The following ZBTB44 variants were observed in gnomAD, a reference collection of about 807,000 sequenced individuals.
ZBTB44 encodes the protein zinc finger and BTB domain containing 44, also known as zinc finger and BTB domain-containing protein 44.
ZBTB44 carries 15 observed loss-of-function variants against 54.0 expected under a neutral mutation model. The ratio of observed to expected loss-of-function variants is 0.28; its 90% confidence interval spans 0.19 to 0.43. The LOEUF is 0.43. Among genes scored for constraint, ZBTB44 ranks in the 20% least tolerant of loss-of-function variants. The pLI is 1.00. For synonymous variants in ZBTB44, 230 were observed against 250.1 expected, an observed-to-expected ratio of 0.92 and a Z score of 0.76; for missense variants, 487 against 707.1, an observed-to-expected ratio of 0.69 and a Z score of 3.53.
intron 1 of ZBTB44, among the ~76,000 whole-genome samples, chr11:130,294,940 GC>G (rs1941551106): frequency 6.6e-6 from 1 of 152,086 alleles, no homozygotes; most frequent in African/African-American, 2.4e-5. Context: ...GAGTTTTTAA[GC>G]GTCCACACCA....
chr11:130,272,717 T>G (rs1939766903), intron 1 of ZBTB44, among the ~76,000 whole-genome samples: 2 of 151,786 alleles, frequency 1.3e-5, no homozygotes, highest in South Asian at 4.2e-4. Flanking sequence ...AGTTTTAAAG[T>G]TTCAGGCCTT....
intron 1 of ZBTB44, among the ~76,000 whole-genome samples, chr11:130,271,261 TGA>T (rs1939647268): frequency 6.6e-6 from 1 of 152,216 alleles, no homozygotes; most frequent in African/African-American, 2.4e-5. Context: ...CAGTATGAAA[TGA>T]TAATGTACTT....
chr11:130,281,245 C>T (rs575950562), intron 1 of ZBTB44, among the ~76,000 whole-genome samples: 5 of 152,210 alleles, frequency 3.3e-5, no homozygotes, highest in African/African-American at 7.2e-5. Context: ...ACAGGCCGGG[C>T]GCGGTGGCTC....
At chr11:130,239,974 T>C (rs551624013) in intron 2 of ZBTB44, 78 bp from the exon 3 acceptor site, 303 of 969,638 alleles carry the variant, frequency 3.1e-4, no homozygotes, top group South Asian at 3.0e-3. Context: ...CTATATTATA[T>C]CTAAGCCTCT....
intron 1 of ZBTB44, among the ~76,000 whole-genome samples, chr11:130,288,457 CTAAGAA>C (rs1941108950): frequency 1.3e-5 from 2 of 152,078 alleles, no homozygotes; most frequent in African/African-American, 4.8e-5. Flanking sequence ...CATTGTATAT[CTAAGAA>C]TAAGAAAGAA....
At position 130,230,533 on chromosome 11, in the gene ZBTB44, G is replaced by T. The variant is rs1311601690; in HGVS notation, c.*1231C>A. ...ATGTCAAAATGTAAGATTGAATGAG[G>T]CTATTTAAACATTTTAGTATATTTT... is the stretch of plus-strand genomic sequence containing the variant. On this transcript the variant is annotated 3_prime_UTR_variant, in exon 8 of 8. Coordinates refer to ENST00000357899, the MANE Select transcript of ZBTB44 (RefSeq NM_001301098.2). 5 of 148,674 alleles carry T rather than the reference G, an allele frequency of 3.4e-5. No individual in the cohort carries two copies. Among genetic ancestry groups the T allele is most frequent in the African/African-American group, 7.4e-5 (3 of 40,314 alleles). 9.2% of individuals were successfully genotyped at this position (148,674 alleles called of 1,614,324 possible).
chr11:130,287,973 A>C (rs1199502816), intron 1 of ZBTB44, among the ~76,000 whole-genome samples: 1 of 151,964 alleles, frequency 6.6e-6, no homozygotes, highest in African/African-American at 2.4e-5. Context: ...GACAAAAAAA[A>C]AAAAAAAGAA....
At chr11:130,289,705 G>GC (rs1462413352) in intron 1 of ZBTB44, among the ~76,000 whole-genome samples, 2 of 152,160 alleles carry the variant, frequency 1.3e-5, no homozygotes, top group Non-Finnish European at 2.9e-5. Context: ...AGGAGAGCCA[G>GC]CCTAAGGATG....
intron 1 of ZBTB44, among the ~76,000 whole-genome samples, chr11:130,273,421 T>C (rs1939827373): frequency 6.7e-6 from 1 of 149,470 alleles, no homozygotes; most frequent in Non-Finnish European, 1.5e-5. Flanking sequence ...CTGATCCCCC[T>C]ACCTCAGTCT....
chr11:130,239,195 T>C (rs1005134920), intron 3 of ZBTB44: 2 of 152,570 alleles, frequency 1.3e-5, no homozygotes, highest in African/African-American at 4.8e-5. Flanking sequence ...CTCAGAGATT[T>C]TGCTTGAGAA....
chr11:130,284,040 C>CA lies in ZBTB44; in HGVS notation c.-56-22112dup, dbSNP rs1315706568. Reference sequence around the variant, plus strand: ...CGGTGGCTCATGCCTGTAATCCAAGCACATATGGGAGGCTGAGGTGGGCAG... The same window carrying CA: ...CGGTGGCTCATGCCTGTAATCCAAGCAACATATGGGAGGCTGAGGTGGGCAG... On this transcript the variant is annotated intron_variant, in intron 1 of 7. Transcript: ENST00000357899. Among the ~76,000 whole-genome samples the CA allele has an allele frequency of 3.5e-5, 5 of 142,162 alleles. No homozygotes were observed. The East Asian group carries it at 1.1e-3, about 30-fold the overall frequency. The allele number at this position is 142,162 out of a possible 152,430, so 93.3% of individuals were successfully genotyped here. A position where few individuals can be genotyped will look rare whatever the true frequency, so the allele number is the denominator to read the frequency against.
chr11:130,296,437 G>C (rs1184259890), intron 1 of ZBTB44: 2 of 1,319,756 alleles, frequency 1.5e-6, no homozygotes, highest in Non-Finnish European at 2.1e-6. Flanking sequence ...CAAAATAAAT[G>C]TACGACCACA....
At chr11:130,312,672 G>A (rs1211057374) in intron 1 of ZBTB44, among the ~76,000 whole-genome samples, 3 of 152,148 alleles carry the variant, frequency 2.0e-5, no homozygotes, top group Admixed American at 2.0e-4. Context: ...AAGAAGAGGG[G>A]ATGGATACTC....
intron 1 of ZBTB44, among the ~76,000 whole-genome samples, chr11:130,304,966 C>G (rs774945676): frequency 2.0e-5 from 3 of 152,050 alleles, no homozygotes; most frequent in Non-Finnish European, 2.9e-5. Context: ...CAATGATGAC[C>G]AAGCCGAGAA....
intron 1 of ZBTB44, among the ~76,000 whole-genome samples, chr11:130,298,521 G>C (rs899681957): frequency 1.1e-4 from 16 of 146,952 alleles, no homozygotes; most frequent in African/African-American, 4.1e-4. Context: ...GGAGTGCAGT[G>C]GCATGATCTT....
chr11:130,246,288 CATAT>C (rs532438820), intron 2 of ZBTB44, among the ~76,000 whole-genome samples: 1 of 151,944 alleles, frequency 6.6e-6, no homozygotes, highest in East Asian at 1.9e-4. Context: ...TACACACACA[CATAT>C]ATATATACAC....
intron 2 of ZBTB44, among the ~76,000 whole-genome samples, chr11:130,256,358 T>C (rs1446152905): frequency 2.0e-5 from 3 of 152,122 alleles, no homozygotes; most frequent in Non-Finnish European, 4.4e-5. Context: ...ATTATCTCAA[T>C]AGACGCAGAA....
chr11:130,296,620 T>C (rs998578283), intron 1 of ZBTB44: 1 of 887,468 alleles, frequency 1.1e-6, no homozygotes, highest in Non-Finnish European at 1.9e-6. Context: ...GGAGAAGACA[T>C]GCCTTGCCCA....
intron 2 of ZBTB44, among the ~76,000 whole-genome samples, chr11:130,244,163 T>C (rs1313901270): frequency 6.6e-6 from 1 of 152,176 alleles, no homozygotes; most frequent in Admixed American, 6.5e-5. Flanking sequence ...CTTTTCAGCT[T>C]TTCAAACAGT....
Sources: allele counts gnomAD v4.1 joint callset (sites outside exome capture counted in the v4.1 genomes callset), GRCh38; gene constraint gnomAD v4.1.1; transcripts MANE v1.5; gene names NCBI Gene and HGNC (gene_info 2026-07-23, HGNC 2026-07-21).